Variants in RNF213 observed in about 807,000 individuals in gnomAD.
RNF213 encodes the protein ring finger protein 213.
RNF213 carries 341 observed loss-of-function variants against 514.4 expected under a neutral mutation model. The ratio of observed to expected loss-of-function variants is 0.66; its 90% CI spans 0.61 to 0.73. RNF213 has a LOEUF of 0.73. Ranked by LOEUF, RNF213 falls within the 30% of genes least tolerant of loss-of-function variation. RNF213 has a pLI of 0.00. For synonymous variants in RNF213, 2,655 were observed against 2,658.2 expected, an observed-to-expected ratio of 1.00 and a Z score of 0.04; for missense variants, 5,767 against 6,615.6, an observed-to-expected ratio of 0.87 and a Z score of 4.45.
chr17:80,371,805 T>C (rs1284996630), intron 46 of RNF213, 69 bp from the exon 47 acceptor site: 2 of 796,868 alleles, frequency 2.5e-6, no homozygotes, highest in African/African-American at 3.4e-5. Flanking sequence ...GATAGATAGA[T>C]GCTCTTTTTT....
chr17:80,381,212 C>T (rs2144596272), intron 56 of RNF213: 2 of 618,128 alleles, frequency 3.2e-6, no homozygotes, highest in Middle Eastern at 4.3e-4. Flanking sequence ...CAAATTAACA[C>T]TCTGTGTCTC....
rs149686155 is a variant in RNF213, at chr17:80,298,427, C to T, written c.2119C>T (p.Arg707Trp). Residue 707 changes from arginine to tryptophan, a missense_variant, in exon 11 of 68, where the codon CGG becomes TGG. Arg to Trp is a moderately radical substitution (Grantham distance 101). Coordinates refer to ENST00000582970, the MANE Select transcript of RNF213 (RefSeq NM_001256071.3). ...GCACTGCTGTATGGAGCTGGCCCCG[C>T]GGCACAAGGATGCCTGGAGACAGCC... ...VLHCCMELAP[R>W]HKDAWRQPED... 72 of 1,614,024 alleles carry T rather than the reference C, an allele frequency of 4.5e-5. No homozygotes were observed. The highest frequency in any genetic ancestry group is 3.3e-4 in the African/African-American group (25 of 74,914).
chr17:80,300,853 C>T (rs1201427034), intron 11 of RNF213, among the ~76,000 whole-genome samples: 1 of 152,150 alleles, frequency 6.6e-6, no homozygotes, highest in African/African-American at 2.4e-5. Flanking sequence ...TGCCCGGCCT[C>T]ATTGTGATTT....
chr17:80,261,446 G>T (rs939594677), intron 1 of RNF213, among the ~76,000 whole-genome samples: 1 of 152,128 alleles, frequency 6.6e-6, no homozygotes, highest in Non-Finnish European at 1.5e-5. Flanking sequence ...GCCAGGGTGG[G>T]CACCCCTCCC....
chr17:80,290,594 C>T lies in RNF213; in HGVS notation c.1137C>T (p.Val379=). 6.2e-7 allele frequency: 1 copy of T among 1,614,108 alleles called. No individual in the cohort carries two copies. Among genetic ancestry groups the T allele is most frequent in the African/African-American group, 1.3e-5 (1 of 75,052 alleles). The change falls in exon 7 of 68, where the codon GTC becomes GTT. Residue 379 remains valine, a synonymous_variant. Coordinates refer to ENST00000582970, the MANE Select transcript of RNF213 (RefSeq NM_001256071.3). The part of the protein sequence containing the change: ...KASTLSPGGG[V]TVFFHAIISL... ...GCACGCTGAGCCCGGGTGGAGGAGT[C>T]ACCGTGTTCTTCCACGCCATCATCT... is the stretch of plus-strand genomic sequence containing the variant.
Position 80,386,272 on chromosome 17 carries a change from C to T in RNF213, c.14562C>T (p.Asp4854=), listed in dbSNP as rs1239514073. The change falls in exon 62 of 68, where the codon GAC becomes GAT. Residue 4854 remains aspartate (D), a synonymous_variant. Transcript: ENST00000582970. The part of the protein sequence containing the change: ...ETNGEINLPK[D]YCSTDLDLDT... ...AAGGTGAGATCAACCTACCCAAAGA[C>T]TACTGCAGCACTGACTTGGATCTGG... 1 of 1,611,362 alleles carries T rather than the reference C, an allele frequency of 6.2e-7. No homozygotes were observed. Among genetic ancestry groups the T allele is most frequent in the Non-Finnish European group, 8.5e-7 (1 of 1,180,014 alleles).
In RNF213 at chr17:80,278,750, T is replaced by C. The variant is rs565449529; in HGVS notation, c.261+5346T>C. On this transcript the variant is annotated intron_variant, in intron 3 of 67. Coordinates refer to ENST00000582970, the MANE Select transcript of RNF213 (RefSeq NM_001256071.3). The stretch of plus-strand genomic sequence containing the variant: ...ACAGCCCTGCCCTGTCTGAAGGGGG[T>C]CGTGTTTCAACAGGGAGCTACATCA... The C allele has an allele frequency of 1.4e-5, 22 of 1,536,582 alleles. No individual in the cohort carries two copies. In the African/African-American group the frequency reaches 2.9e-4, roughly 20 times the overall value.
At position 80,343,602 on chromosome 17, in the gene RNF213, C is replaced by T. The variant is rs563667574; in HGVS notation, c.6184-255C>T. Reference sequence around the variant, plus strand: ...GCTCCTAGGCCGCAAACCTGTGCTGCATATGGCTGTTCTGAATCCTGGAGC... The same window carrying T: ...GCTCCTAGGCCGCAAACCTGTGCTGTATATGGCTGTTCTGAATCCTGGAGC... On this transcript the variant is annotated intron_variant, in intron 27 of 67. Transcript: ENST00000582970. This position sits in a 1 kb window ranked among gnomAD's most constrained non-coding sequence, Gnocchi z 4.3. Among the ~76,000 whole-genome samples, 14 of 152,298 alleles carry T rather than the reference C, an allele frequency of 9.2e-5. No individual in the cohort carries two copies. Among genetic ancestry groups the T allele is most frequent in the Admixed American group, 9.2e-4 (14 of 15,294 alleles).
chr17:80,376,974 G>A lies in RNF213; in HGVS notation c.13510+11G>A, dbSNP rs771319096. The A allele has an allele frequency of 1.4e-5, 23 of 1,602,850 alleles. No individual in the cohort carries two copies. The highest frequency in any genetic ancestry group is 1.9e-5 in the Non-Finnish European group (22 of 1,170,528). On this transcript the variant is annotated intron_variant, in intron 53 of 67. Coordinates refer to ENST00000582970, the MANE Select transcript of RNF213 (RefSeq NM_001256071.3). ...GAGTCCACTGGTACAGTAAGTGTTGGGGTCTAGATGACCCCACACTCCTTT... is the reference window on the plus strand; with the variant it reads ...GAGTCCACTGGTACAGTAAGTGTTGAGGTCTAGATGACCCCACACTCCTTT...
intron 49 of RNF213, 57 bp from the exon 50 acceptor site, chr17:80,374,401 G>C: frequency 6.2e-7 from 1 of 1,610,844 alleles, no homozygotes; most frequent in South Asian, 1.1e-5. Context: ...CCGTTCAGAC[G>C]GTTCTTTGCA....
rs1201207718 is a variant in RNF213, at chr17:80,354,079, C to T, written c.10639C>T (p.Leu3547Phe). ...CTGTGTGCAGAGCGCCGTGGGCATG[C>T]TCAGAGACCAGAACGAGAGCTGCAC... Reference protein sequence around the residue: ...RSCVQSAVGMLRDQNESCTRN... With the variant: ...RSCVQSAVGMFRDQNESCTRN... The change falls in exon 35 of 68, where the codon CTC becomes TTC. Residue 3547 changes from leucine to phenylalanine, a missense_variant. Leu to Phe is a conservative substitution (Grantham distance 22). Transcript: ENST00000582970. 1 of 1,614,068 alleles carries T rather than the reference C, an allele frequency of 6.2e-7. No homozygotes were observed. The highest frequency in any genetic ancestry group is 8.5e-7 in the Non-Finnish European group (1 of 1,180,032).
Position 80,264,784 on chromosome 17 carries a change from C to T in RNF213, c.97+1006C>T, listed in dbSNP as rs1246165365. ...AACTCAGGACAAGCAGGAGCCCTTA[C>T]GGTGGCCACGAGGTCCTACATAGAC... On this transcript the variant is annotated intron_variant, in intron 2 of 67. Coordinates refer to ENST00000582970, the MANE Select transcript of RNF213 (RefSeq NM_001256071.3). The surrounding 1 kb of genome is among the most constrained non-coding windows in gnomAD (Gnocchi z 5.0). 2.0e-5 allele frequency among the ~76,000 whole-genome samples: 3 copies of T among 152,224 alleles called. No individual in the cohort carries two copies. Among genetic ancestry groups the T allele is most frequent in the South Asian group, 2.1e-4 (1 of 4,822 alleles).
rs529803527 is a variant in RNF213 at position 80,317,571 on chromosome 17, T to C, written c.2901+294T>C. ...CTTGCGACAGGGATGCTGTGTTTAC[T>C]TGGCCCGCCGTGCTCAACCCCTTGT... On this transcript the variant is annotated intron_variant, in intron 16 of 67. Coordinates refer to ENST00000582970, the MANE Select transcript of RNF213 (RefSeq NM_001256071.3). This position sits in a 1 kb window ranked among gnomAD's most constrained non-coding sequence, Gnocchi z 4.1. Among the ~76,000 whole-genome samples, 1 of 152,334 alleles carries C rather than the reference T, an allele frequency of 6.6e-6. No homozygotes were observed. The highest frequency in any genetic ancestry group is 1.5e-5 in the Non-Finnish European group (1 of 68,032).
Position 80,332,382 on chromosome 17 carries a change from C to G in RNF213, c.3894C>G (p.Val1298=). 6.5e-7 allele frequency: 1 copy of G among 1,537,140 alleles called. No homozygotes were observed. Among genetic ancestry groups the G allele is most frequent in the Non-Finnish European group, 8.7e-7 (1 of 1,146,904 alleles). ...ACCAGGATCTAAAGTCAGGAGAGGT[C>G]ACCCTTGCAGAGATTGATGTCATCT... is the stretch of plus-strand genomic sequence containing the variant. ...KLHQDLKSGE[V]TLAEIDVIFK... Residue 1298 remains valine (V), a synonymous_variant, in exon 21 of 68, where the codon GTC becomes GTG. Transcript: ENST00000582970.
At chr17:80,364,656 C>T (rs1452721734) in intron 42 of RNF213, 103 bp downstream of exon 42, 80 of 1,460,302 alleles carry the variant, frequency 5.5e-5, no homozygotes, top group Non-Finnish European at 7.4e-5. Context: ...TCTTTTGGCT[C>T]TGACCGTTTT....
At chr17:80,313,200 A>T (rs1385695561) in intron 15 of RNF213, 33 bp downstream of exon 15, 26 of 1,613,494 alleles carry the variant, frequency 1.6e-5, no homozygotes, top group Non-Finnish European at 2.0e-5. Context: ...CTGGGTAGGG[A>T]TGTGACTGAT....
rs765646049 is a variant in RNF213 at position 80,313,091 on chromosome 17, G to T, written c.2735G>T (p.Arg912Met). Residue 912 changes from arginine (R) to methionine (M), a missense_variant, in exon 15 of 68, where the codon AGG (arginine) becomes ATG (methionine). This residue lies in a region of RNF213 where 592 missense variants were observed against 673.9 expected (regional missense o/e 0.88). Transcript: ENST00000582970. ...VFQGTLAATK[R>M]WLREVFTKNM... ...CAAGGGACCCTTGCTGCTACGAAAA[G>T]GTGGCTCCGAGAAGTTTTTACAAAG... is the stretch of plus-strand genomic sequence containing the variant. The T allele has an allele frequency of 1.2e-6, 2 of 1,613,864 alleles. No homozygotes were observed. Among genetic ancestry groups the T allele is most frequent in the East Asian group, 4.5e-5 (2 of 44,888 alleles).
rs779131246 is a variant in RNF213 at position 80,289,852 on chromosome 17, G to A, written c.1112+15G>A. On this transcript the variant is annotated intron_variant, in intron 6 of 67. Transcript: ENST00000582970. Reference sequence around the variant, plus strand: ...GTGAAGGCAAGGTAGGGATGCCCCCGCAGGGGAGCAAAGGAGACCCTGCCT... The same window carrying A: ...GTGAAGGCAAGGTAGGGATGCCCCCACAGGGGAGCAAAGGAGACCCTGCCT... The A allele has an allele frequency of 4.4e-5, 70 of 1,600,596 alleles. No individual in the cohort carries two copies. In the South Asian group the frequency reaches 6.8e-4, roughly 16 times the overall value.
intron 39 of RNF213, among the ~76,000 whole-genome samples, chr17:80,362,179 T>C (rs762352577): frequency 2.6e-5 from 4 of 152,122 alleles, no homozygotes; most frequent in Non-Finnish European, 5.9e-5. Context: ...GTTGAGTTTC[T>C]CTTGAAAAAA....
Sources: gnomAD v4.1 joint callset for allele counts (sites outside exome capture counted in the v4.1 genomes callset) on GRCh38, gnomAD v4.1.1 for gene constraint, gnomAD v4.1.1 regional missense constraint, Gnocchi (gnomAD v3.1) non-coding constraint, MANE v1.5 for transcripts, NCBI Gene and HGNC (gene_info 2026-07-23, HGNC 2026-07-21) for gene names.